The following SPARCL1 variants were observed in gnomAD, a reference collection of about 807,000 sequenced individuals.
SPARCL1 encodes SPARC like 1.
SPARCL1 carries 52 observed loss-of-function variants against 67.1 expected under a neutral mutation model. That is an observed-to-expected ratio of 0.78 (90% CI 0.62 to 0.98). SPARCL1 has a LOEUF of 0.98. Among genes scored for constraint, SPARCL1 ranks in the 50% least tolerant of loss-of-function variants. The pLI is 0.00. For synonymous variants in SPARCL1, 226 were observed against 267.8 expected (o/e 0.84, Z 1.52); for missense variants, 717 against 782.4 (o/e 0.92, Z 1.00).
At chr4:87,525,796 C>T (rs1000894147) in intron 1 of SPARCL1, among the ~76,000 whole-genome samples, 1 of 152,118 alleles carries the variant, frequency 6.6e-6, no homozygotes, top group African/African-American at 2.4e-5. Context: ...AGAGTTATTT[C>T]CCAGAGCAGG....
At chr4:87,489,943 A>G (rs943658202) in intron 7 of SPARCL1, among the ~76,000 whole-genome samples, 2 of 152,202 alleles carry the variant, frequency 1.3e-5, no homozygotes, top group African/African-American at 4.8e-5. Flanking sequence ...AGGGCAAATA[A>G]TGTAGCAAAA....
In SPARCL1 at chr4:87,486,333, C is replaced by G. The variant is rs568952400; in HGVS notation, c.1532-3773G>C. Among the ~76,000 whole-genome samples the G allele has an allele frequency of 5.0e-4, 76 of 152,252 alleles. No individual in the cohort carries two copies. In the Middle Eastern group the frequency reaches 0.01, roughly 20 times the overall value. ...TTAATTTCGTTATTTACCCAGTAGT[C>G]ATTCAGGAGCAGGTTGTTCAGTTTC... On this transcript the variant is annotated intron_variant, in intron 7 of 10. Transcript: ENST00000282470.
intron 2 of SPARCL1, among the ~76,000 whole-genome samples, chr4:87,495,989 G>C (rs1724603650): frequency 6.6e-6 from 1 of 152,118 alleles, no homozygotes. Context: ...CTAAGCCTAA[G>C]TAGAAAAGGG....
intron 4 of SPARCL1, among the ~76,000 whole-genome samples, chr4:87,492,822 C>T (rs1724409312): frequency 6.6e-6 from 1 of 152,096 alleles, no homozygotes; most frequent in Non-Finnish European, 1.5e-5. Flanking sequence ...TGAATGAAAG[C>T]TCCAAATATG....
intron 4 of SPARCL1, among the ~76,000 whole-genome samples, chr4:87,493,268 C>G (rs1384758554): frequency 6.6e-6 from 1 of 152,182 alleles, no homozygotes; most frequent in African/African-American, 2.4e-5. Flanking sequence ...GAGAAAATGT[C>G]TTTACATGGC....
Position 87,473,806 on chromosome 4 carries a change from A to G in SPARCL1, c.1967-3T>C. 1 of 1,604,004 alleles carries G rather than the reference A, an allele frequency of 6.2e-7. No individual in the cohort carries two copies. Among genetic ancestry groups the G allele is most frequent in the Non-Finnish European group, 8.5e-7 (1 of 1,172,886 alleles). On this transcript the variant is annotated splice_region_variant and splice_polypyrimidine_tract_variant and intron_variant, in intron 10 of 10. Coordinates refer to ENST00000282470, the MANE Select transcript of SPARCL1 (RefSeq NM_004684.6). ...CAAGAGATTTTCATCTATGTCCTCT[A>G]TAAAAAAACAAGAAGCAAAATGACA...
intron 1 of SPARCL1, among the ~76,000 whole-genome samples, chr4:87,499,795 C>T (rs143311984): frequency 1.6e-4 from 24 of 152,128 alleles, no homozygotes; most frequent in Non-Finnish European, 2.4e-4. Flanking sequence ...TTTTTCGGTC[C>T]GGCCATGTTC....
chr4:87,494,623 T>C (rs1724539794), intron 3 of SPARCL1, 25 bp from the exon 4 acceptor site: 1 of 1,528,216 alleles, frequency 6.5e-7, no homozygotes, highest in Admixed American at 2.2e-5. Context: ...AAGTTCATTC[T>C]TCAAACAAAT....
At chr4:87,499,337 T>A (rs528328843) in intron 2 of SPARCL1, among the ~76,000 whole-genome samples, 184 bp downstream of exon 2, 19 of 152,024 alleles carry the variant, frequency 1.2e-4, no homozygotes, top group South Asian at 1.0e-3. Flanking sequence ...AGTTCTAAAA[T>A]TTTTTTTTAA....
Position 87,473,741 on chromosome 4 carries a change from G to A in SPARCL1, c.*34C>T, listed in dbSNP as rs1723442465. 1 of 1,551,294 alleles carries A rather than the reference G, an allele frequency of 6.4e-7. No homozygotes were observed. The highest frequency in any genetic ancestry group is 1.4e-5 in the African/African-American group (1 of 73,534). ...TTCTGAAGTGGTTAGAACAGAGGAG[G>A]ATGCTGGAAAGTTGAGTTCTTTAAA... On this transcript the variant is annotated 3_prime_UTR_variant, in exon 11 of 11. Coordinates refer to ENST00000282470, the MANE Select transcript of SPARCL1 (RefSeq NM_004684.6).
chr4:87,493,511 C>A, intron 4 of SPARCL1, 71 bp downstream of exon 4: 1 of 1,387,846 alleles, frequency 7.2e-7, no homozygotes, highest in Non-Finnish European at 9.8e-7. Context: ...TGTGAGAGCA[C>A]AGAGAAAGGT....
intron 2 of SPARCL1, among the ~76,000 whole-genome samples, chr4:87,496,881 A>C (rs781168192): frequency 2.6e-5 from 4 of 151,952 alleles, no homozygotes; most frequent in Non-Finnish European, 5.9e-5. Flanking sequence ...TTTATTTTTA[A>C]ACTTTTTTTT....
In SPARCL1 at chr4:87,490,366, C is replaced by T. The variant is rs1724268150; in HGVS notation, c.1438G>A (p.Ala480Thr). ...GTAGCGAATAGATGACAGGAACTAG[C>T]ATAGGTCTGATTGTCAGTGCCACAA... ...QVCGTDNQTY[A>T]SSCHLFATKC... Residue 480 changes from alanine (A) to threonine (T), a missense_variant, in exon 7 of 11, where the codon GCT (alanine) becomes ACT (threonine). Physicochemically the swap from Ala to Thr is moderately conservative, Grantham distance 58. Coordinates refer to ENST00000282470, the MANE Select transcript of SPARCL1 (RefSeq NM_004684.6). 1 of 1,611,834 alleles carries T rather than the reference C, an allele frequency of 6.2e-7. No individual in the cohort carries two copies. The highest frequency in any genetic ancestry group is 8.5e-7 in the Non-Finnish European group (1 of 1,179,342).
In SPARCL1 at chr4:87,494,155, A is replaced by G. The variant is rs776284863; in HGVS notation, c.645T>C (p.Asn215=). The G allele has an allele frequency of 1.9e-6, 3 of 1,613,550 alleles. No individual in the cohort carries two copies. Among genetic ancestry groups the G allele is most frequent in the Non-Finnish European group, 2.5e-6 (3 of 1,179,962 alleles). The change falls in exon 4 of 11, where the codon AAT becomes AAC. Residue 215 remains asparagine (N), a synonymous_variant. Coordinates refer to ENST00000282470, the MANE Select transcript of SPARCL1 (RefSeq NM_004684.6). ...ATTCTGTCTTTCTTTCTTGGTTATC[A>G]TTGTGGGTACCAACTTCACCTGGCT... ...EKEPGEVGTH[N]DNQERKTELP...
chr4:87,521,545 G>A (rs1380231747), intron 1 of SPARCL1, among the ~76,000 whole-genome samples: 1 of 152,178 alleles, frequency 6.6e-6, no homozygotes, highest in Non-Finnish European at 1.5e-5. Context: ...CCTCCAGTCT[G>A]AACCCTCCAG....
At chr4:87,482,711 CACA>C in intron 7 of SPARCL1, 151 bp from the exon 8 acceptor site, 1 of 740,290 alleles carries the variant, frequency 1.4e-6, no homozygotes, top group Non-Finnish European at 2.2e-6. Context: ...CTGGCAGCAG[CACA>C]ACAAAATTGC....
intron 2 of SPARCL1, among the ~76,000 whole-genome samples, chr4:87,498,370 G>T (rs997126468): frequency 2.0e-5 from 3 of 152,148 alleles, no homozygotes; most frequent in Non-Finnish European, 4.4e-5. Context: ...AGCAAGGACA[G>T]AATTTTAGAC....
At chr4:87,491,111 A>T (rs1724308269) in intron 5 of SPARCL1, among the ~76,000 whole-genome samples, 1 of 152,200 alleles carries the variant, frequency 6.6e-6, no homozygotes, top group Admixed American at 6.5e-5. Flanking sequence ...GATAATCTAG[A>T]TTTCCTCTTG....
chr4:87,497,429 A>T lies in SPARCL1; in HGVS notation c.54+2092T>A, dbSNP rs545077027. Among the ~76,000 whole-genome samples, 4 of 152,334 alleles carry T rather than the reference A, an allele frequency of 2.6e-5. No homozygotes were observed. The South Asian group carries it at 8.3e-4, about 32-fold the overall frequency. ...CTCCCCCTCCATCCGCCTACTGCCCAAGCAGGAAGAAATGCACACAAAAAA... is the reference window on the plus strand; with the variant it reads ...CTCCCCCTCCATCCGCCTACTGCCCTAGCAGGAAGAAATGCACACAAAAAA... On this transcript the variant is annotated intron_variant, in intron 2 of 10. Coordinates refer to ENST00000282470, the MANE Select transcript of SPARCL1 (RefSeq NM_004684.6).
Sources: allele counts gnomAD v4.1 joint callset (sites outside exome capture counted in the v4.1 genomes callset), GRCh38; gene constraint gnomAD v4.1.1; transcripts MANE v1.5; gene names NCBI Gene and HGNC (gene_info 2026-07-23, HGNC 2026-07-21).